The following ARL10 variants were observed in gnomAD, a reference collection of about 807,000 sequenced individuals.
ARL10 encodes ADP-ribosylation factor-like protein 10.
In ARL10, 23 loss-of-function variants were observed where a neutral mutation model predicts 26.1. The ratio of observed to expected loss-of-function variants is 0.88; its 90% CI spans 0.63 to 1.25. ARL10 has a LOEUF of 1.25. Ranked by LOEUF, ARL10 falls within the 50% of genes most tolerant of loss-of-function variation. The pLI is 0.00. For synonymous variants in ARL10, 138 were observed against 149.1 expected (o/e 0.93, Z 0.54); for missense variants, 300 against 323.6 (o/e 0.93, Z 0.56).
intron 1 of ARL10, among the ~76,000 whole-genome samples, chr5:176,387,672 G>A: frequency 6.6e-6 from 1 of 152,184 alleles, no homozygotes; most frequent in East Asian, 1.9e-4. Context: ...AGTTGTTGAA[G>A]CCTCCAGGGG....
chr5:176,388,778 G>T (rs201379910), downstream of ARL10: 265 of 1,600,156 alleles, frequency 1.7e-4, 2 homozygotes, highest in African/African-American at 3.2e-3. Context: ...CCGGGAGGCT[G>T]AGGTCGGAGT....
At position 176,378,235 on chromosome 5, in the gene ARL10, T is replaced by C. The variant is rs180789596; in HGVS notation, c.*6340T>C. On this transcript the variant is annotated 3_prime_UTR_variant, in exon 4 of 4. Transcript: ENST00000310389. ...GATGGGTCATCATAAAGGTCATCAA[T>C]CTAGTGGCATTCATTCAATTTGCAC... The C allele has an allele frequency of 1.3e-5, 2 of 152,376 alleles. No homozygotes were observed. The highest frequency in any genetic ancestry group is 1.3e-4 in the Admixed American group (2 of 15,302). The allele number at this position is 152,376 out of a possible 1,614,324, so 9.4% of individuals were successfully genotyped here. A position where few individuals can be genotyped will look rare whatever the true frequency, so the allele number is the denominator to read the frequency against.
downstream of ARL10, chr5:176,386,582 T>C: frequency 5.4e-6 from 3 of 551,344 alleles, no homozygotes; most frequent in South Asian, 5.5e-5. Flanking sequence ...CTGGTTTCTC[T>C]TCTATTCTCC....
At chr5:176,390,440 T>C (rs766268972), downstream of ARL10, among the ~76,000 whole-genome samples, 11 of 152,022 alleles carry the variant, frequency 7.2e-5, no homozygotes, top group Non-Finnish European at 1.5e-4. Context: ...ACCATCTAGT[T>C]CTTTTTTTGA....
At chr5:176,384,193 G>A, downstream of ARL10, 1 of 1,614,088 alleles carries the variant, frequency 6.2e-7, no homozygotes, top group African/African-American at 1.3e-5. Flanking sequence ...ACTGGTCCGG[G>A]GGACGCCTCA....
Position 176,373,198 on chromosome 5 carries a change from ATGGCCT to A in ARL10, c.*1307_*1312del, listed in dbSNP as rs1768600859. The stretch of plus-strand genomic sequence containing the variant: ...CAGGAATAGCAGACCAGCCAACGGG[ATGGCCT>A]TGGGTACATCACTCAGCCTTTCTGG... On this transcript the variant is annotated 3_prime_UTR_variant, in exon 4 of 4. Transcript: ENST00000310389. 2.5e-6 allele frequency: 1 copy of A among 396,404 alleles called. No individual in the cohort carries two copies. The highest frequency in any genetic ancestry group is 2.1e-5 in the African/African-American group (1 of 48,750). The allele number at this position is 396,404 out of a possible 1,614,324, so 24.6% of individuals were successfully genotyped here.
chr5:176,389,624 G>A (rs1268246242), downstream of ARL10: 7 of 1,034,644 alleles, frequency 6.8e-6, no homozygotes, highest in African/African-American at 3.2e-5. Flanking sequence ...GGGAGGAAGT[G>A]ACCCTTTGTG....
At chr5:176,406,898 C>A in the ARL10 span, among the ~76,000 whole-genome samples, 1 of 152,182 alleles carries the variant, frequency 6.6e-6, no homozygotes, top group African/African-American at 2.4e-5. Flanking sequence ...GCAACAGAGT[C>A]GTAATGCAAA....
At chr5:176,371,671 G>C in intron 3 of ARL10, 51 bp from the exon 4 acceptor site, 1 of 1,520,422 alleles carries the variant, frequency 6.6e-7, no homozygotes, top group South Asian at 1.1e-5. Flanking sequence ...AAGGGTGTCA[G>C]TGTGTTAGGA....
At chr5:176,412,011 C>T in the ARL10 span, among the ~76,000 whole-genome samples, 1 of 151,962 alleles carries the variant, frequency 6.6e-6, no homozygotes, top group Non-Finnish European at 1.5e-5. Context: ...CCCGTCTCTA[C>T]TAAAAATACA....
intron 3 of ARL10, among the ~76,000 whole-genome samples, chr5:176,370,766 T>C (rs1218001210): frequency 3.3e-5 from 5 of 152,224 alleles, no homozygotes. Context: ...ATCATTTAAA[T>C]CTTGGGCCAG....
downstream of ARL10, chr5:176,383,913 T>A: frequency 7.6e-6 from 11 of 1,444,618 alleles, no homozygotes; most frequent in Non-Finnish European, 1.0e-5. Flanking sequence ...AGGGTTTGGC[T>A]GAGAGCAGAA....
chr5:176,400,205 AAAAGAAAG>A (rs202007442), intron 1 of ARL10, among the ~76,000 whole-genome samples: 94 of 151,974 alleles, frequency 6.2e-4, no homozygotes, highest in East Asian at 3.1e-3. Flanking sequence ...CTCAAAAAAA[AAAAGAAAG>A]AAAGAAAGAA....
downstream of ARL10, chr5:176,406,177 A>C: frequency 1.0e-6 from 1 of 989,550 alleles, no homozygotes; most frequent in Non-Finnish European, 1.2e-6. Context: ...CAGTGGGGAG[A>C]TCAGTCATGG....
At chr5:176,383,697 G>A (rs566169441), downstream of ARL10, among the ~76,000 whole-genome samples, 180 of 152,376 alleles carry the variant, frequency 1.2e-3, no homozygotes, top group African/African-American at 4.0e-3. Context: ...GGGGACTAGC[G>A]TGGGCAAGGC....
In ARL10 at chr5:176,379,505, AG is replaced by A. The variant is rs1215308195; in HGVS notation, c.*7613del. ...TTATGTTTATGAACAAACAAGGTGA[AG>A]GGTTCAGTATAAGTTGGAAATCCTA... On this transcript the variant is annotated 3_prime_UTR_variant, in exon 4 of 4. Coordinates refer to ENST00000310389, the MANE Select transcript of ARL10 (RefSeq NM_173664.6). The A allele has an allele frequency of 6.6e-6, 1 of 152,154 alleles. No individual in the cohort carries two copies. The highest frequency in any genetic ancestry group is 1.5e-5 in the Non-Finnish European group (1 of 68,026). 9.4% of individuals were successfully genotyped at this position (152,154 alleles called of 1,614,324 possible).
chr5:176,409,278 CAT>C, the ARL10 span, among the ~76,000 whole-genome samples: 1 of 102,760 alleles, frequency 9.7e-6, no homozygotes, highest in Admixed American at 1.2e-4. Flanking sequence ...CCAGCCCAAA[CAT>C]ATTTTTAAAA....
chr5:176,399,832 C>G (rs1051331442), intron 1 of ARL10, among the ~76,000 whole-genome samples: 30 of 150,372 alleles, frequency 2.0e-4, no homozygotes, highest in African/African-American at 6.8e-4. Flanking sequence ...GAGCAGAGAT[C>G]GTGCCACTGC....
intron 2 of ARL10, chr5:176,367,888 G>C: frequency 3.8e-6 from 2 of 525,122 alleles, no homozygotes; most frequent in Admixed American, 2.0e-5. Flanking sequence ...TTCCCAGTTA[G>C]GGAGGGAGCT....
Sources: allele counts gnomAD v4.1 joint callset (sites outside exome capture counted in the v4.1 genomes callset), GRCh38; gene constraint gnomAD v4.1.1; transcripts MANE v1.5; gene names NCBI Gene and HGNC (gene_info 2026-07-23, HGNC 2026-07-21).